DNAJC11: variants seen among roughly 807,000 people sequenced by gnomAD.
The protein encoded by DNAJC11 is dnaJ homolog subfamily C member 11.
DNAJC11 carries 15 observed loss-of-function variants against 78.6 expected under a neutral mutation model. That is an observed-to-expected ratio of 0.19 (90% CI 0.13 to 0.29). The LOEUF (loss-of-function observed/expected upper bound fraction) is 0.29, where lower values mean the gene tolerates loss of function less well. DNAJC11 is among the 10% of genes least tolerant of loss of function. The pLI is 1.00. For synonymous variants in DNAJC11, 292 were observed against 272.1 expected (o/e 1.07, Z -0.72); for missense variants, 547 against 709.6 (o/e 0.77, Z 2.60).
In DNAJC11 at chr1:6,634,964, T is replaced by C; in HGVS notation, c.*711A>G. ...GCTCAAGCCCGCTGGTGGCAGGGCGTTTTCCCACCGGGATACGGGAAGCCA... is the reference window on the plus strand; with the variant it reads ...GCTCAAGCCCGCTGGTGGCAGGGCGCTTTCCCACCGGGATACGGGAAGCCA... On this transcript the variant is annotated 3_prime_UTR_variant, in exon 16 of 16. Transcript: ENST00000377577. 1.0e-6 allele frequency: 1 copy of C among 962,176 alleles called. No individual in the cohort carries two copies. The highest frequency in any genetic ancestry group is 1.3e-6 in the Non-Finnish European group (1 of 744,310). 59.6% of individuals were successfully genotyped at this position (962,176 alleles called of 1,614,324 possible).
intron 3 of DNAJC11, among the ~76,000 whole-genome samples, chr1:6,676,505 C>T (rs906430036): frequency 5.9e-5 from 9 of 151,778 alleles, no homozygotes; most frequent in African/African-American, 2.2e-4. Flanking sequence ...CATAGAAAGA[C>T]CCCATCTCTA....
intron 4 of DNAJC11, among the ~76,000 whole-genome samples, chr1:6,656,760 A>C (rs893736939): frequency 2.1e-5 from 3 of 142,018 alleles, no homozygotes; most frequent in Non-Finnish European, 4.6e-5. Flanking sequence ...TTTAGCTGGG[A>C]GTGGTGGTAT....
chr1:6,688,452 A>T (rs1393795904), intron 1 of DNAJC11, among the ~76,000 whole-genome samples: 1 of 152,232 alleles, frequency 6.6e-6, no homozygotes, highest in Non-Finnish European at 1.5e-5. Context: ...CTGAATGTCA[A>T]CCGGCTTTAG....
intron 2 of DNAJC11, among the ~76,000 whole-genome samples, chr1:6,679,483 C>G (rs1017682597): frequency 2.0e-5 from 3 of 152,294 alleles, no homozygotes; most frequent in Non-Finnish European, 2.9e-5. Flanking sequence ...GTTCTCTTCC[C>G]CCTCTGCTTC....
At chr1:6,665,831 G>A (rs1642285340) in intron 4 of DNAJC11, among the ~76,000 whole-genome samples, 1 of 152,108 alleles carries the variant, frequency 6.6e-6, no homozygotes, top group Admixed American at 6.6e-5. Context: ...CAAAGGAACA[G>A]CCTGCTCTTG....
chr1:6,668,497 C>T (rs193083718), intron 3 of DNAJC11, among the ~76,000 whole-genome samples: 2 of 152,236 alleles, frequency 1.3e-5, no homozygotes, highest in Middle Eastern at 3.4e-3. Context: ...TGTTAAATAT[C>T]AAGACGAAGG....
chr1:6,636,068 G>A, intron 15 of DNAJC11, 49 bp downstream of exon 15: 4 of 1,581,650 alleles, frequency 2.5e-6, no homozygotes, highest in Non-Finnish European at 2.6e-6. Context: ...CAGCCGCTTC[G>A]AGGTCCCCGC....
intron 4 of DNAJC11, among the ~76,000 whole-genome samples, chr1:6,657,926 T>C (rs1231822583): frequency 2.6e-5 from 4 of 152,252 alleles, no homozygotes; most frequent in African/African-American, 9.6e-5. Context: ...ATTACAGGCG[T>C]GAGCCCCCAT....
intron 10 of DNAJC11, among the ~76,000 whole-genome samples, chr1:6,644,349 G>C (rs1299956351): frequency 6.6e-6 from 1 of 152,214 alleles, no homozygotes; most frequent in Admixed American, 6.5e-5. Flanking sequence ...GGCCAGGCTG[G>C]TCTCAAACTC....
intron 3 of DNAJC11, among the ~76,000 whole-genome samples, chr1:6,673,998 G>C (rs1399109048): frequency 6.6e-6 from 1 of 152,214 alleles, no homozygotes; most frequent in Non-Finnish European, 1.5e-5. Flanking sequence ...ACATCTGAAA[G>C]TGACACCTGC....
At chr1:6,652,720 C>G in intron 6 of DNAJC11, 109 bp downstream of exon 6, 1 of 1,466,864 alleles carries the variant, frequency 6.8e-7, no homozygotes, top group Non-Finnish European at 9.3e-7. Context: ...ACCGTTCTTA[C>G]ACAACAACGG....
At chr1:6,669,513 T>TAGAAAAGAAA (rs60740818) in intron 3 of DNAJC11, among the ~76,000 whole-genome samples, 3,655 of 121,810 alleles carry the variant, frequency 0.03, 97 homozygotes, top group African/African-American at 0.041. Context: ...AACTCTGTCT[T>TAGAAAAGAAA]AGAAAAGAAA....
At chr1:6,684,112 A>C in intron 1 of DNAJC11, among the ~76,000 whole-genome samples, 1 of 140,848 alleles carries the variant, frequency 7.1e-6, no homozygotes, top group African/African-American at 2.7e-5. Context: ...ATGGAGTTTC[A>C]CTCTGCCACC....
rs949005458 is a variant in DNAJC11, at chr1:6,638,484, G to T, written c.1254-120C>A. On this transcript the variant is annotated intron_variant, in intron 11 of 15. Transcript: ENST00000377577. Reference sequence around the variant, plus strand: ...CAGTCTGTGATCTTACTGGAGTTCAGTTGTAGAACTTTAAAAAATATTCCC... The same window carrying T: ...CAGTCTGTGATCTTACTGGAGTTCATTTGTAGAACTTTAAAAAATATTCCC... The T allele has an allele frequency of 1.3e-5, 11 of 817,916 alleles. No individual in the cohort carries two copies. In the African/African-American group the frequency reaches 1.8e-4, roughly 13 times the overall value. 50.7% of individuals were successfully genotyped at this position (817,916 alleles called of 1,614,324 possible).
chr1:6,634,272 G>C lies in DNAJC11; in HGVS notation c.*1403C>G. 1 of 855,308 alleles carries C rather than the reference G, an allele frequency of 1.2e-6. No homozygotes were observed. Among genetic ancestry groups the C allele is most frequent in the Non-Finnish European group, 1.8e-6 (1 of 568,532 alleles). 53.0% of individuals were successfully genotyped at this position (855,308 alleles called of 1,614,324 possible). Reference sequence around the variant, plus strand: ...AGAAGCACCTGCGGCAGAGGCGCACGGGAAGCCCGGGGCCCAGGCTCATGC... The same window carrying C: ...AGAAGCACCTGCGGCAGAGGCGCACCGGAAGCCCGGGGCCCAGGCTCATGC... On this transcript the variant is annotated 3_prime_UTR_variant, in exon 16 of 16. Coordinates refer to ENST00000377577, the MANE Select transcript of DNAJC11 (RefSeq NM_018198.4).
intron 12 of DNAJC11, 129 bp from the exon 13 acceptor site, chr1:6,637,633 G>A (rs901455760): frequency 9.6e-7 from 1 of 1,037,908 alleles, no homozygotes; most frequent in Non-Finnish European, 1.5e-6. Context: ...GAAGGGAGTG[G>A]GCACCCTGAC....
In DNAJC11 at chr1:6,688,073, TA is replaced by T. The variant is rs147626932; in HGVS notation, c.73-7037del. Among the ~76,000 whole-genome samples the T allele has an allele frequency of 6.0e-3, 910 of 152,288 alleles. 8 individuals are homozygous for T. The highest frequency in any genetic ancestry group is 0.02 in the African/African-American group (850 of 41,544). On this transcript the variant is annotated intron_variant, in intron 1 of 15. Transcript: ENST00000377577. ...TTAGTGGTGCTAGTGCAAAAGGTGA[TA>T]AAGTAACCTTTTCCCACCACAATAA... is the stretch of plus-strand genomic sequence containing the variant.
chr1:6,669,518 A>G (rs1200692170), intron 3 of DNAJC11, among the ~76,000 whole-genome samples: 1 of 50,868 alleles, frequency 2.0e-5, no homozygotes, highest in African/African-American at 8.0e-5. Context: ...TGTCTTAGAA[A>G]AGAAAAGAAA....
At chr1:6,687,293 T>A (rs1642670088) in intron 1 of DNAJC11, among the ~76,000 whole-genome samples, 1 of 151,236 alleles carries the variant, frequency 6.6e-6, no homozygotes, top group African/African-American at 2.4e-5. Context: ...AAAAAAAAAT[T>A]CCCTATTTCA....
Sources: gnomAD v4.1 joint callset for allele counts (sites outside exome capture counted in the v4.1 genomes callset) on GRCh38, gnomAD v4.1.1 for gene constraint, MANE v1.5 for transcripts, NCBI Gene and HGNC (gene_info 2026-07-23, HGNC 2026-07-21) for gene names.